CUL1: variants seen among roughly 807,000 people sequenced by gnomAD.
The protein encoded by CUL1 is cullin 1.
Under a neutral mutation model 118.0 loss-of-function variants are expected in CUL1, and 24 were observed. That is an observed-to-expected ratio of 0.20 (90% CI 0.15 to 0.29). CUL1 has a LOEUF of 0.29. Ranked by LOEUF, CUL1 falls within the 10% of genes least tolerant of loss-of-function variation. The pLI, the probability that CUL1 is intolerant of heterozygous loss-of-function variation, is 1.00. For synonymous variants in CUL1, 332 were observed against 340.4 expected, an observed-to-expected ratio of 0.98 and a Z score of 0.27; for missense variants, 361 against 933.8, an observed-to-expected ratio of 0.39 and a Z score of 7.99.
At chr7:148,747,569 A>G (rs1316223303) in intron 2 of CUL1, among the ~76,000 whole-genome samples, 2 of 152,166 alleles carry the variant, frequency 1.3e-5, no homozygotes, top group African/African-American at 2.4e-5. Context: ...CAGAAGCCTA[A>G]ATACCCTTAA....
intron 1 of CUL1, among the ~76,000 whole-genome samples, chr7:148,699,851 G>C (rs1376221339): frequency 3.3e-5 from 5 of 152,058 alleles, no homozygotes; most frequent in Non-Finnish European, 5.9e-5. Context: ...CTGACCCTGA[G>C]GGTAGCCGTG....
At chr7:148,790,232 C>G in intron 15 of CUL1, 78 bp from the exon 16 acceptor site, 1 of 1,455,492 alleles carries the variant, frequency 6.9e-7, no homozygotes, top group South Asian at 1.1e-5. Flanking sequence ...AAGCTTGGAA[C>G]AGTGGGCTTT....
intron 9 of CUL1, among the ~76,000 whole-genome samples, chr7:148,768,625 T>TCCAC (rs1364044152): frequency 6.6e-6 from 1 of 152,062 alleles, no homozygotes; most frequent in Non-Finnish European, 1.5e-5. Context: ...CCTCAGGTGA[T>TCCAC]TCGCCCGCCT....
At chr7:148,742,598 GTTTT>G (rs59592789) in intron 2 of CUL1, among the ~76,000 whole-genome samples, 37 of 112,168 alleles carry the variant, frequency 3.3e-4, no homozygotes, top group South Asian at 2.8e-3. Flanking sequence ...ACCTTTTCTG[GTTTT>G]TTTTTTTTTT....
Position 148,800,480 on chromosome 7 carries a change from C to T in CUL1, c.2251-22C>T, listed in dbSNP as rs575766948. 134 of 1,593,754 alleles carry T rather than the reference C, an allele frequency of 8.4e-5. 4 individuals carry two copies. In the South Asian group the frequency reaches 1.4e-3, roughly 17 times the overall value. On this transcript the variant is annotated intron_variant, in intron 21 of 21. Transcript: ENST00000325222. The surrounding 1 kb of genome is among the most constrained non-coding windows in gnomAD (Gnocchi z 4.6). ...TTTTTCTTCTCTTTCACTACCTCTT[C>T]CTTTTTAAAAATAACACCCAGAAAT...
At chr7:148,739,026 T>A (rs1217358339) in intron 2 of CUL1, among the ~76,000 whole-genome samples, 2 of 152,176 alleles carry the variant, frequency 1.3e-5, no homozygotes, top group East Asian at 3.9e-4. Context: ...TCCGGCCCTG[T>A]CCTTTCACAC....
Position 148,766,590 on chromosome 7 carries a change from A to G in CUL1, c.819A>G (p.Arg273=). 1 of 1,611,668 alleles carries G rather than the reference A, an allele frequency of 6.2e-7. No individual in the cohort carries two copies. Among genetic ancestry groups the G allele is most frequent in the Non-Finnish European group, 8.5e-7 (1 of 1,179,346 alleles). The stretch of plus-strand genomic sequence containing the variant: ...AGGCTCGTCTGCTTGAGGAACAACG[A>G]AGAGTTCAGGTTTACCTTCATGAAA... ...KAEARLLEEQ[R]RVQVYLHEST... The change falls in exon 8 of 22, where the codon CGA becomes CGG. Residue 273 remains arginine (R), a synonymous_variant. Transcript: ENST00000325222.
In CUL1 at chr7:148,736,008, A is replaced by T. The variant is rs1326633137; in HGVS notation, c.140+5746A>T. ...GGCAACATAGCAAAACCTTGTCTTT[A>T]AAAAAAAAAAAAAAAAAAAGCCAGG... On this transcript the variant is annotated intron_variant, in intron 2 of 21. Transcript: ENST00000325222. 3.0e-4 allele frequency among the ~76,000 whole-genome samples: 11 copies of T among 36,108 alleles called. No individual in the cohort carries two copies. The East Asian group carries it at 5.1e-3, about 17-fold the overall frequency. 23.7% of individuals were successfully genotyped at this position (36,108 alleles called of 152,430 possible).
intron 9 of CUL1, among the ~76,000 whole-genome samples, chr7:148,776,140 C>T (rs1260397754): frequency 6.7e-6 from 1 of 148,586 alleles, no homozygotes; most frequent in Non-Finnish European, 1.5e-5. Context: ...TACACCTCTA[C>T]CGAGTGTTAC....
At chr7:148,726,086 A>C (rs1798572907) in intron 1 of CUL1, among the ~76,000 whole-genome samples, 1 of 152,248 alleles carries the variant, frequency 6.6e-6, no homozygotes, top group Non-Finnish European at 1.5e-5. Context: ...TACAGCAAGT[A>C]AACTTGACGA....
chr7:148,754,411 G>T (rs1385901835), intron 3 of CUL1, among the ~76,000 whole-genome samples: 1 of 151,778 alleles, frequency 6.6e-6, no homozygotes, highest in African/African-American at 2.4e-5. Context: ...GGGCTCAAGT[G>T]ATCCTTCCAC....
chr7:148,773,934 A>G (rs1308348852), intron 9 of CUL1, among the ~76,000 whole-genome samples: 2 of 152,190 alleles, frequency 1.3e-5, no homozygotes, highest in African/African-American at 4.8e-5. Flanking sequence ...GGCTCTATCC[A>G]GTTTTGTGTC....
At chr7:148,799,019 T>G (rs1563173063) in intron 20 of CUL1, among the ~76,000 whole-genome samples, 1 of 151,980 alleles carries the variant, frequency 6.6e-6, no homozygotes, top group Non-Finnish European at 1.5e-5. Flanking sequence ...TTTTAATGCT[T>G]TATGGTTGAG....
chr7:148,713,460 T>C (rs1798115019), intron 1 of CUL1, among the ~76,000 whole-genome samples: 1 of 152,224 alleles, frequency 6.6e-6, no homozygotes, highest in African/African-American at 2.4e-5. Context: ...AATATAGATG[T>C]TGACTTAATT....
intron 11 of CUL1, 112 bp downstream of exon 11, chr7:148,784,189 C>A (rs932049609): frequency 2.4e-6 from 2 of 850,584 alleles, no homozygotes; most frequent in Non-Finnish European, 3.7e-6. Flanking sequence ...ATTTTTGTAC[C>A]TTATGAGAAA....
At chr7:148,786,527 A>G (rs1450403855) in intron 11 of CUL1, 24 bp from the exon 12 acceptor site, 1 of 1,594,862 alleles carries the variant, frequency 6.3e-7, no homozygotes, top group Non-Finnish European at 8.6e-7. Context: ...GTTTTAAAAC[A>G]TGGTATCTTT....
intron 9 of CUL1, among the ~76,000 whole-genome samples, chr7:148,778,021 C>G (rs563664326): frequency 1.4e-5 from 2 of 140,512 alleles, no homozygotes; most frequent in African/African-American, 2.7e-5. Context: ...CGAGATCATG[C>G]CACTGCACTC....
intron 14 of CUL1, among the ~76,000 whole-genome samples, chr7:148,789,473 G>A (rs1800936064): frequency 6.6e-6 from 1 of 152,150 alleles, no homozygotes; most frequent in Admixed American, 6.5e-5. Context: ...GGAAAGCAAG[G>A]GAAGCAGGGC....
intron 20 of CUL1, 135 bp downstream of exon 20, chr7:148,798,812 G>C: frequency 4.0e-6 from 3 of 749,166 alleles, no homozygotes; most frequent in Admixed American, 4.1e-5. Flanking sequence ...GGCAGAAGGT[G>C]GCAAGGCCGA....
Sources: gnomAD v4.1 joint callset for allele counts (sites outside exome capture counted in the v4.1 genomes callset) on GRCh38, gnomAD v4.1.1 for gene constraint, Gnocchi (gnomAD v3.1) non-coding constraint, MANE v1.5 for transcripts, NCBI Gene and HGNC (gene_info 2026-07-23, HGNC 2026-07-21) for gene names.